AP3S2: variants seen among roughly 807,000 people sequenced by gnomAD.
AP3S2 encodes AP-3 complex subunit sigma-2.
Under a neutral mutation model 23.4 loss-of-function variants are expected in AP3S2, and 22 were observed. The observed-to-expected ratio is 0.94, with a 90% CI of 0.67 to 1.34. AP3S2 has a LOEUF of 1.34. Among genes scored for constraint, AP3S2 ranks in the 40% most tolerant of loss-of-function variants. AP3S2 has a pLI of 0.00. For synonymous variants in AP3S2, 86 were observed against 87.1 expected (o/e 0.99, Z 0.07); for missense variants, 241 against 236.9 (o/e 1.02, Z -0.11).
chr15:89,836,982 C>A (rs8031576), intron 5 of AP3S2, among the ~76,000 whole-genome samples: 108,537 of 152,068 alleles, frequency 0.71, 38,965 homozygotes, highest in East Asian at 0.79. Context: ...TGAAAGTATA[C>A]GTCTGTAACC....
At chr15:89,853,795 GC>G (rs1434531658) in intron 4 of AP3S2, among the ~76,000 whole-genome samples, 37 of 105,970 alleles carry the variant, frequency 3.5e-4, no homozygotes, top group African/African-American at 1.3e-3. Flanking sequence ...CCTCTGCCCG[GC>G]CGAGACCCCG....
chr15:89,853,444 T>G (rs1366421383), intron 4 of AP3S2, among the ~76,000 whole-genome samples: 3 of 152,332 alleles, frequency 2.0e-5, no homozygotes, highest in Admixed American at 6.5e-5. Flanking sequence ...GACATACCAT[T>G]GATTATAAGA....
At chr15:89,850,472 G>A (rs754962846) in intron 4 of AP3S2, among the ~76,000 whole-genome samples, 104 of 152,140 alleles carry the variant, frequency 6.8e-4, no homozygotes, top group Non-Finnish European at 1.4e-3. Flanking sequence ...CGATACACAT[G>A]AGCACAGGCA....
At chr15:89,873,770 T>C (rs1011895922) in intron 3 of AP3S2, among the ~76,000 whole-genome samples, 3 of 152,180 alleles carry the variant, frequency 2.0e-5, no homozygotes, top group Admixed American at 6.6e-5. Flanking sequence ...GTGAGTGTTT[T>C]TGTTTAGCAC....
At chr15:89,837,517 G>C in intron 5 of AP3S2, 98 bp downstream of exon 5, 1 of 1,365,428 alleles carries the variant, frequency 7.3e-7, no homozygotes, top group African/African-American at 1.4e-5. Context: ...ATCATTTCCC[G>C]AGGTTTCACA....
chr15:89,833,343 A>T lies in AP3S2; in HGVS notation c.*2172T>A, dbSNP rs1205321403. 1.3e-5 allele frequency: 2 copies of T among 152,172 alleles called. No homozygotes were observed. The highest frequency in any genetic ancestry group is 2.9e-5 in the Non-Finnish European group (2 of 68,022). The allele number at this position is 152,172 out of a possible 1,614,324, so 9.4% of individuals were successfully genotyped here. On this transcript the variant is annotated 3_prime_UTR_variant, in exon 6 of 6. Transcript: ENST00000336418. ...TCTGAGGCTCAGTTTCCTTATCTATAAAAAAGAAGATGATAACATTGGGAG... is the reference window on the plus strand; with the variant it reads ...TCTGAGGCTCAGTTTCCTTATCTATTAAAAAGAAGATGATAACATTGGGAG...
intron 4 of AP3S2, among the ~76,000 whole-genome samples, chr15:89,862,778 A>G (rs894368730): frequency 6.6e-5 from 10 of 152,206 alleles, no homozygotes; most frequent in African/African-American, 2.4e-4. Context: ...AGATGTGAGA[A>G]TGACATTAGG....
intron 4 of AP3S2, among the ~76,000 whole-genome samples, chr15:89,868,150 G>A (rs1424022372): frequency 5.5e-4 from 45 of 81,994 alleles, no homozygotes; most frequent in African/African-American, 1.8e-3. Context: ...CAGCCGCCCC[G>A]TCCGGGAGGG....
intron 4 of AP3S2, among the ~76,000 whole-genome samples, chr15:89,868,952 G>T (rs1427263114): frequency 4.2e-5 from 6 of 144,256 alleles, no homozygotes; most frequent in Admixed American, 1.3e-4. Context: ...GAGGTGGGGG[G>T]GTCAGCCCCC....
chr15:89,839,868 A>C (rs527754152), intron 4 of AP3S2, among the ~76,000 whole-genome samples: 3 of 150,870 alleles, frequency 2.0e-5, no homozygotes, highest in Non-Finnish European at 3.0e-5. Flanking sequence ...TTTTCATCTG[A>C]ATTGAGATGC....
chr15:89,864,055 A>G (rs1479005507), intron 4 of AP3S2, among the ~76,000 whole-genome samples: 1 of 152,234 alleles, frequency 6.6e-6, no homozygotes, highest in East Asian at 1.9e-4. Context: ...CAAAAATCTC[A>G]GGAGATATGA....
chr15:89,863,296 C>A (rs945101767), intron 4 of AP3S2, among the ~76,000 whole-genome samples: 2 of 152,268 alleles, frequency 1.3e-5, no homozygotes, highest in African/African-American at 4.8e-5. Flanking sequence ...CCCACGAATT[C>A]AAGTTCACCT....
At chr15:89,873,739 T>C (rs923762158) in intron 3 of AP3S2, among the ~76,000 whole-genome samples, 3 of 152,190 alleles carry the variant, frequency 2.0e-5, no homozygotes, top group African/African-American at 7.2e-5. Context: ...ATTTTGTTCA[T>C]TTTGTGTGAG....
intron 4 of AP3S2, among the ~76,000 whole-genome samples, chr15:89,866,994 C>T (rs1024735694): frequency 1.5e-5 from 2 of 136,364 alleles, no homozygotes; most frequent in African/African-American, 5.6e-5. Flanking sequence ...CTCCCTCTCC[C>T]TCTCCCTCTC....
At chr15:89,869,718 G>T (rs1030128216) in intron 4 of AP3S2, among the ~76,000 whole-genome samples, 4 of 151,880 alleles carry the variant, frequency 2.6e-5, no homozygotes, top group Non-Finnish European at 4.4e-5. Context: ...ACACTAGGTG[G>T]TAACTTCGAA....
intron 3 of AP3S2, among the ~76,000 whole-genome samples, chr15:89,886,233 C>T (rs1366453917): frequency 3.3e-5 from 5 of 151,982 alleles, no homozygotes; most frequent in Non-Finnish European, 5.9e-5. Flanking sequence ...CCCAGCTACT[C>T]GAGAGGCTGA....
chr15:89,835,700 CTAAA>C, intron 5 of AP3S2, 57 bp from the exon 6 acceptor site: 1 of 783,946 alleles, frequency 1.3e-6, no homozygotes, highest in Non-Finnish European at 1.7e-6. Flanking sequence ...CTGCTTAATG[CTAAA>C]AAAAAAAAAA....
At chr15:89,879,775 T>A (rs1417631222) in intron 3 of AP3S2, among the ~76,000 whole-genome samples, 1 of 151,792 alleles carries the variant, frequency 6.6e-6, no homozygotes, top group Non-Finnish European at 1.5e-5. Context: ...CTGGCTAATT[T>A]TTTTGCATTT....
At chr15:89,889,863 CAAAAAAAAAAAAAAA>C (rs940624860) in intron 1 of AP3S2, among the ~76,000 whole-genome samples, 4 of 19,238 alleles carry the variant, frequency 2.1e-4, no homozygotes, top group Admixed American at 1.6e-3. Context: ...GACTCCATCT[CAAAAAAAAAAAAAAA>C]AAAAAAAAAA....
Sources: gnomAD v4.1 joint callset for allele counts (sites outside exome capture counted in the v4.1 genomes callset) on GRCh38, gnomAD v4.1.1 for gene constraint, MANE v1.5 for transcripts, NCBI Gene and HGNC (gene_info 2026-07-23, HGNC 2026-07-21) for gene names.